NUP188: variants seen among roughly 807,000 people sequenced by gnomAD.
NUP188 encodes nucleoporin 188, also known as nucleoporin NUP188.
Under a neutral mutation model 223.0 loss-of-function variants are expected in NUP188, and 97 were observed. That is an observed-to-expected ratio of 0.43 (90% CI 0.37 to 0.51). The LOEUF is 0.51. Ranked by LOEUF, NUP188 falls within the 20% of genes least tolerant of loss-of-function variation. NUP188 has a pLI of 0.00. For synonymous variants in NUP188, 869 were observed against 828.0 expected, an observed-to-expected ratio of 1.05 and a Z score of -0.85; for missense variants, 1,947 against 2,175.6, an observed-to-expected ratio of 0.89 and a Z score of 2.09.
At chr9:128,981,043 T>C (rs1447306655) in intron 14 of NUP188, among the ~76,000 whole-genome samples, 1 of 152,148 alleles carries the variant, frequency 6.6e-6, no homozygotes, top group African/African-American at 2.4e-5. Flanking sequence ...ATAAAGACCA[T>C]ACTGTTCAGG....
intron 13 of NUP188, 98 bp downstream of exon 13, chr9:128,979,425 T>C: frequency 2.4e-6 from 2 of 818,718 alleles, no homozygotes; most frequent in South Asian, 3.1e-5. Context: ...CATTTTCTCA[T>C]TTAATCTTCA....
chr9:128,974,389 GTT>G (rs778841218), intron 12 of NUP188, among the ~76,000 whole-genome samples: 12 of 113,308 alleles, frequency 1.1e-4, no homozygotes, highest in Admixed American at 9.1e-5. Context: ...GCAGGTTGTT[GTT>G]TTTTTTTTTT....
At position 128,951,789 on chromosome 9, in the gene NUP188, T is replaced by G. The variant is rs185106521; in HGVS notation, c.88-984T>G. ...TAATACTTAGTGTGATTCTGGAATC[T>G]GATTTTTTTTTTTTTTTTTTGAGAC... On this transcript the variant is annotated intron_variant, in intron 2 of 43. Transcript: ENST00000372577. Among the ~76,000 whole-genome samples the G allele has an allele frequency of 3.2e-3, 481 of 151,050 alleles. 2 individuals are homozygous for G. Among genetic ancestry groups the G allele is most frequent in the African/African-American group, 0.011 (455 of 40,884 alleles).
At chr9:128,999,891 CAGAT>C (rs1373483830) in intron 34 of NUP188, 86 bp downstream of exon 34, 13 of 1,277,864 alleles carry the variant, frequency 1.0e-5, no homozygotes, top group Non-Finnish European at 1.4e-5. Flanking sequence ...GTGATCAAGA[CAGAT>C]AGTCGCTGCA....
chr9:128,984,083 A>C (rs1367964299), intron 19 of NUP188, among the ~76,000 whole-genome samples: 1 of 149,314 alleles, frequency 6.7e-6, no homozygotes, highest in African/African-American at 2.5e-5. Flanking sequence ...TAGCCTCTCA[A>C]AGTGCTGGGA....
chr9:129,006,034 C>T lies in NUP188; in HGVS notation c.4870-16C>T, dbSNP rs191696451. The T allele has an allele frequency of 2.5e-6, 4 of 1,613,964 alleles. No homozygotes were observed. In the East Asian group the frequency reaches 8.9e-5, roughly 36 times the overall value. On this transcript the variant is annotated splice_polypyrimidine_tract_variant and intron_variant, in intron 41 of 43. Transcript: ENST00000372577. ...TGTTCCTGTTGTCTTAGTTTTTTAC[C>T]CTTGCTTCTCTTCAGCTGGACAAGA...
Position 129,005,629 on chromosome 9 carries a change from T to C in NUP188, c.4738-16T>C, listed in dbSNP as rs780417773. 8.1e-6 allele frequency: 13 copies of C among 1,612,576 alleles called. No homozygotes were observed. Among genetic ancestry groups the C allele is most frequent in the Admixed American group, 3.3e-5 (2 of 59,888 alleles). On this transcript the variant is annotated splice_polypyrimidine_tract_variant and intron_variant, in intron 40 of 43. Coordinates refer to ENST00000372577, the MANE Select transcript of NUP188 (RefSeq NM_015354.3). ...GCCTTAATTGGGTCCTGGATGGCTC[T>C]TGTCTTTTCTCGCAGTCCCTGGACC...
chr9:129,005,806 T>TC (rs755004450), intron 41 of NUP188, 30 bp downstream of exon 41: 13 of 1,554,446 alleles, frequency 8.4e-6, no homozygotes, highest in Non-Finnish European at 1.0e-5. Flanking sequence ...CACTGTCCTC[T>TC]CCCCCCGGCT....
At chr9:129,004,319 A>G (rs1259787778) in intron 38 of NUP188, among the ~76,000 whole-genome samples, 1 of 151,956 alleles carries the variant, frequency 6.6e-6, no homozygotes, top group Non-Finnish European at 1.5e-5. Flanking sequence ...ACAAAACCAA[A>G]AAAACACACA....
chr9:129,006,418 TGTGGGGTC>T (rs1219111890), intron 43 of NUP188, 50 bp downstream of exon 43: 1 of 1,613,274 alleles, frequency 6.2e-7, no homozygotes, highest in Admixed American at 1.7e-5. Context: ...GCCAGAGCCC[TGTGGGGTC>T]CTGCCTGGCA....
intron 9 of NUP188, 123 bp from the exon 10 acceptor site, chr9:128,969,277 G>A: frequency 1.6e-6 from 1 of 626,424 alleles, no homozygotes. Flanking sequence ...AGGATTATAG[G>A]CGTTAGCCAC....
At chr9:128,955,004 C>G (rs1187652845) in intron 3 of NUP188, among the ~76,000 whole-genome samples, 1 of 152,032 alleles carries the variant, frequency 6.6e-6, no homozygotes, top group Non-Finnish European at 1.5e-5. Context: ...GTGCATGCCA[C>G]CATGCCTGGC....
At chr9:128,968,762 C>A in intron 9 of NUP188, 45 bp downstream of exon 9, 1 of 1,427,182 alleles carries the variant, frequency 7.0e-7, no homozygotes, top group Non-Finnish European at 9.9e-7. Context: ...GTGTTTAGAG[C>A]ATTGATACTA....
chr9:128,961,484 C>T (rs929411258), intron 8 of NUP188, among the ~76,000 whole-genome samples: 1 of 151,648 alleles, frequency 6.6e-6, no homozygotes, highest in African/African-American at 2.4e-5. Context: ...TGCACTCTGG[C>T]CTGTGCAACA....
Position 128,987,718 on chromosome 9 carries a change from G to C in NUP188, c.2393+1G>C, listed in dbSNP as rs1396771260. Reference sequence around the variant, plus strand: ...TGGTGATGGCTGCTCAGCCTCGAAGGTAGGGCTCCTTCTCCACGTTCCCTT... The same window carrying C: ...TGGTGATGGCTGCTCAGCCTCGAAGCTAGGGCTCCTTCTCCACGTTCCCTT... On this transcript the variant is annotated splice_donor_variant, in intron 23 of 43. Transcript: ENST00000372577. LOFTEE classifies it high-confidence loss of function. 1 of 1,612,598 alleles carries C rather than the reference G, an allele frequency of 6.2e-7. No individual in the cohort carries two copies. Among genetic ancestry groups the C allele is most frequent in the Non-Finnish European group, 8.5e-7 (1 of 1,179,542 alleles).
intron 12 of NUP188, among the ~76,000 whole-genome samples, chr9:128,975,889 T>A (rs1371157023): frequency 6.6e-6 from 1 of 152,152 alleles, no homozygotes; most frequent in Non-Finnish European, 1.5e-5. Context: ...TGGCGTGATT[T>A]CAGATCGCTG....
chr9:128,978,956 C>T (rs572921988), intron 12 of NUP188, among the ~76,000 whole-genome samples: 4 of 152,302 alleles, frequency 2.6e-5, no homozygotes, highest in South Asian at 4.1e-4. Context: ...AGTGATCTGC[C>T]GGCCTTGCCT....
In NUP188 at chr9:128,957,020, G is replaced by A. The variant is rs749516968; in HGVS notation, c.315G>A (p.Arg105=). The change falls in exon 5 of 44, where the codon CGG becomes CGA. Residue 105 remains arginine, a synonymous_variant. Transcript: ENST00000372577. ...TGCAAGAGGACTACAGGGGTACTCGGGACTCAGTAAAGGTTTGTGGTTTAT... is the reference window on the plus strand; with the variant it reads ...TGCAAGAGGACTACAGGGGTACTCGAGACTCAGTAAAGGTTTGTGGTTTAT... ...CYLQEDYRGT[R]DSVKTVLQDE... 1 of 1,610,328 alleles carries A rather than the reference G, an allele frequency of 6.2e-7. No homozygotes were observed. Among genetic ancestry groups the A allele is most frequent in the Non-Finnish European group, 8.5e-7 (1 of 1,177,538 alleles).
In NUP188 at chr9:129,005,776, G is replaced by T. The variant is rs1389577675; in HGVS notation, c.4869G>T (p.Glu1623Asp). The T allele has an allele frequency of 5.6e-6, 9 of 1,607,420 alleles. No homozygotes were observed. Among genetic ancestry groups the T allele is most frequent in the Admixed American group, 1.7e-5 (1 of 58,872 alleles). The change falls in exon 41 of 44, where the codon GAG becomes GAT. Residue 1623 changes from glutamate to aspartate, a missense_variant and splice_region_variant. Around this residue, in one of 3 missense-constraint regions of NUP188, gnomAD observed 905 missense variants for 990.6 expected, o/e 0.91. Coordinates refer to ENST00000372577, the MANE Select transcript of NUP188 (RefSeq NM_015354.3). ...ATGTGGCCCTCAACATGCTTGGAGA[G>T]GTAAGTTGGTTCTGTCAGACACTGT... Reference protein sequence around the residue: ...TVNVALNMLGELDKKKEPLTQ... With the variant: ...TVNVALNMLGDLDKKKEPLTQ...
Sources: allele counts gnomAD v4.1 joint callset (sites outside exome capture counted in the v4.1 genomes callset), GRCh38; gene constraint gnomAD v4.1.1; regional missense constraint gnomAD v4.1.1; transcripts MANE v1.5; gene names NCBI Gene and HGNC (gene_info 2026-07-23, HGNC 2026-07-21).